The following PCDH9 variants were observed in gnomAD, a reference collection of about 807,000 sequenced individuals.
The protein encoded by PCDH9 is protocadherin-9.
In PCDH9, 24 loss-of-function variants were observed where a neutral mutation model predicts 70.6. The ratio of observed to expected loss-of-function variants is 0.34; its 90% CI spans 0.25 to 0.48. PCDH9 has a LOEUF of 0.48. Among genes scored for constraint, PCDH9 ranks in the 20% least tolerant of loss-of-function variants. The probability of loss-of-function intolerance (pLI) is 0.99; values close to 1 mark genes in which losing one functional copy is unlikely to be tolerated. For missense variants in PCDH9, 1,281 were observed against 1,503.6 expected (o/e 0.85, Z 2.45); for synonymous variants, 562 against 558.5 (o/e 1.01, Z -0.09).
At chr13:67,046,560 T>C (rs894334298) in intron 2 of PCDH9, among the ~76,000 whole-genome samples, 3 of 152,152 alleles carry the variant, frequency 2.0e-5, no homozygotes, top group African/African-American at 4.8e-5. Context: ...TAGCGTTGCA[T>C]GGAAGTGAGG....
At chr13:66,811,547 A>G (rs1187201342) in intron 3 of PCDH9, among the ~76,000 whole-genome samples, 3 of 151,930 alleles carry the variant, frequency 2.0e-5, no homozygotes, top group Non-Finnish European at 2.9e-5. Context: ...CTGGCAGTCA[A>G]TTTCAAGTTT....
chr13:67,172,249 T>C (rs1029049274), intron 2 of PCDH9, among the ~76,000 whole-genome samples: 3 of 152,154 alleles, frequency 2.0e-5, no homozygotes, highest in Non-Finnish European at 2.9e-5. Context: ...AAGTAGAACG[T>C]TGGAAGGCAC....
chr13:66,386,002 A>T (rs1484240934), intron 4 of PCDH9, among the ~76,000 whole-genome samples: 1 of 152,062 alleles, frequency 6.6e-6, no homozygotes, highest in Non-Finnish European at 1.5e-5. Context: ...CTGATAAAAA[A>T]AAAAAAAGGG....
chr13:66,979,914 C>T (rs1261895263), intron 2 of PCDH9, among the ~76,000 whole-genome samples: 1 of 151,982 alleles, frequency 6.6e-6, no homozygotes, highest in Non-Finnish European at 1.5e-5. Context: ...TCCTATCCCT[C>T]CACCTTTTTC....
intron 4 of PCDH9, among the ~76,000 whole-genome samples, chr13:66,509,664 G>T (rs1959369296): frequency 6.6e-6 from 1 of 151,782 alleles, no homozygotes; most frequent in African/African-American, 2.4e-5. Flanking sequence ...TGTTGTTCAG[G>T]CTTGTCTCAA....
chr13:66,756,560 T>C (rs1180864810), intron 3 of PCDH9, among the ~76,000 whole-genome samples: 1 of 150,854 alleles, frequency 6.6e-6, no homozygotes, highest in African/African-American at 2.4e-5. Context: ...AGGATAATCT[T>C]TGATGCAATC....
intron 3 of PCDH9, among the ~76,000 whole-genome samples, chr13:66,837,748 G>T (rs1171252765): frequency 6.6e-6 from 1 of 152,000 alleles, no homozygotes; most frequent in Non-Finnish European, 1.5e-5. Context: ...GTTAAAAAAC[G>T]ACCTTTCCAG....
At chr13:66,619,275 A>G (rs2077394232) in intron 4 of PCDH9, among the ~76,000 whole-genome samples, 1 of 152,188 alleles carries the variant, frequency 6.6e-6, no homozygotes, top group Non-Finnish European at 1.5e-5. Flanking sequence ...TGCTTTTAAG[A>G]AAAACAATGA....
chr13:66,418,600 G>C (rs1158257996), intron 4 of PCDH9, among the ~76,000 whole-genome samples: 1 of 152,050 alleles, frequency 6.6e-6, no homozygotes, highest in African/African-American at 2.4e-5. Flanking sequence ...AGTGTTTAGA[G>C]GGAAATTTAT....
intron 4 of PCDH9, among the ~76,000 whole-genome samples, chr13:66,540,190 A>C (rs550823191): frequency 1.3e-5 from 2 of 152,192 alleles, no homozygotes; most frequent in African/African-American, 4.8e-5. Flanking sequence ...TAGAATATTA[A>C]TGACTGATTC....
At chr13:66,585,662 A>G (rs1262626470) in intron 4 of PCDH9, among the ~76,000 whole-genome samples, 1 of 152,204 alleles carries the variant, frequency 6.6e-6, no homozygotes, top group Non-Finnish European at 1.5e-5. Context: ...AATGACACTA[A>G]CACTAGGCAG....
intron 4 of PCDH9, among the ~76,000 whole-genome samples, chr13:66,508,896 T>A (rs1566378811): frequency 6.6e-6 from 1 of 152,146 alleles, no homozygotes; most frequent in African/African-American, 2.4e-5. Flanking sequence ...AGACACACAG[T>A]CCCCACCTCC....
intron 3 of PCDH9, among the ~76,000 whole-genome samples, chr13:66,701,905 C>T (rs1313764128): frequency 6.6e-6 from 1 of 152,144 alleles, no homozygotes; most frequent in African/African-American, 2.4e-5. Flanking sequence ...GATTGTTACT[C>T]TCTTTGTTCA....
intron 4 of PCDH9, among the ~76,000 whole-genome samples, chr13:66,501,950 G>A (rs1959179030): frequency 6.6e-6 from 1 of 152,200 alleles, no homozygotes; most frequent in Middle Eastern, 3.4e-3. Context: ...AAAACTTAGA[G>A]TGCTGTTCTG....
intron 2 of PCDH9, among the ~76,000 whole-genome samples, chr13:67,067,159 A>G (rs1044757349): frequency 3.3e-5 from 5 of 152,132 alleles, no homozygotes; most frequent in Non-Finnish European, 5.9e-5. Context: ...ACTACATGCT[A>G]TATTTTCCTT....
chr13:66,798,383 G>C (rs966754486), intron 3 of PCDH9, among the ~76,000 whole-genome samples: 1 of 151,928 alleles, frequency 6.6e-6, no homozygotes, highest in African/African-American at 2.4e-5. Flanking sequence ...TCTTCCTTTG[G>C]TCTTCCTTTC....
chr13:66,430,614 T>C (rs1957754559), intron 4 of PCDH9, among the ~76,000 whole-genome samples: 1 of 152,048 alleles, frequency 6.6e-6, no homozygotes. Flanking sequence ...GAGAGGGTCC[T>C]GCCATCAAGG....
At chr13:66,786,571 C>T (rs2080083211) in intron 3 of PCDH9, among the ~76,000 whole-genome samples, 2 of 152,116 alleles carry the variant, frequency 1.3e-5, no homozygotes, top group East Asian at 1.9e-4. Context: ...AAGCGAAGTA[C>T]AAATTTTCTT....
intron 4 of PCDH9, among the ~76,000 whole-genome samples, chr13:66,583,234 A>G (rs2076917972): frequency 6.6e-6 from 1 of 152,272 alleles, no homozygotes; most frequent in South Asian, 2.1e-4. Flanking sequence ...AAATGCATAA[A>G]GGTCATCCGC....
Sources: allele counts gnomAD v4.1 joint callset (sites outside exome capture counted in the v4.1 genomes callset), GRCh38; gene constraint gnomAD v4.1.1; transcripts MANE v1.5; gene names NCBI Gene and HGNC (gene_info 2026-07-23, HGNC 2026-07-21).